Variants in TMPRSS15 observed in about 807,000 individuals in gnomAD.
The protein encoded by TMPRSS15 is transmembrane serine protease 15.
A neutral mutation model predicts 125.3 loss-of-function variants in TMPRSS15; 128 were observed. The ratio of observed to expected loss-of-function variants is 1.02; its 90% CI spans 0.89 to 1.18. The LOEUF (loss-of-function observed/expected upper bound fraction) is 1.18. Ranked by LOEUF, TMPRSS15 falls within the 50% of genes most tolerant of loss-of-function variation. The probability of loss-of-function intolerance (pLI) is 0.00; values close to 1 mark genes in which losing one functional copy is unlikely to be tolerated. For synonymous variants in TMPRSS15, 446 were observed against 423.2 expected (o/e 1.05, Z -0.66); for missense variants, 1,283 against 1,212.7 (o/e 1.06, Z -0.86).
chr21:18,316,622 A>T (rs563201177), intron 16 of TMPRSS15, among the ~76,000 whole-genome samples: 16 of 152,178 alleles, frequency 1.1e-4, no homozygotes, highest in Non-Finnish European at 2.4e-4. Flanking sequence ...CACAAAAGGA[A>T]AATGAAAAAC....
chr21:18,472,134 T>C (rs990361759), intron 1 of TMPRSS15, among the ~76,000 whole-genome samples: 1 of 152,086 alleles, frequency 6.6e-6, no homozygotes, highest in Non-Finnish European at 1.5e-5. Flanking sequence ...GTTTAGGTTA[T>C]ATAAACATTA....
chr21:18,364,951 A>T (rs2075712356), intron 7 of TMPRSS15, among the ~76,000 whole-genome samples, 189 bp downstream of exon 7: 1 of 152,198 alleles, frequency 6.6e-6, no homozygotes, highest in Admixed American at 6.5e-5. Context: ...TATTGTTCAT[A>T]GCACAGAATA....
intron 11 of TMPRSS15, 24 bp from the exon 12 acceptor site, chr21:18,343,680 G>A (rs2075474665): frequency 1.9e-6 from 3 of 1,608,408 alleles, no homozygotes; most frequent in South Asian, 1.1e-5. Flanking sequence ...AAGCAAAAAT[G>A]TTTGGATTCC....
chr21:18,448,906 A>G (rs1601466471), intron 1 of TMPRSS15, among the ~76,000 whole-genome samples: 1 of 152,148 alleles, frequency 6.6e-6, no homozygotes, highest in East Asian at 1.9e-4. Flanking sequence ...AAGTTGCCTG[A>G]TATTTTGAGA....
intron 1 of TMPRSS15, among the ~76,000 whole-genome samples, chr21:18,410,040 T>A (rs1462147594): frequency 6.6e-6 from 1 of 151,484 alleles, no homozygotes; most frequent in Non-Finnish European, 1.5e-5. Flanking sequence ...TTATTTTTCA[T>A]TGTTTTCCCA....
At chr21:18,309,055 G>A (rs1056524561) in intron 18 of TMPRSS15, among the ~76,000 whole-genome samples, 1 of 152,102 alleles carries the variant, frequency 6.6e-6, no homozygotes. Context: ...ATAAACATAC[G>A]TGTGCATGTG....
chr21:18,368,602 A>G (rs1282102817), intron 6 of TMPRSS15, among the ~76,000 whole-genome samples: 2 of 152,162 alleles, frequency 1.3e-5, no homozygotes, highest in Non-Finnish European at 2.9e-5. Context: ...GCACCGTGAT[A>G]TAGGTGATAA....
At chr21:18,381,308 G>A (rs2075890742) in intron 4 of TMPRSS15, among the ~76,000 whole-genome samples, 1 of 152,066 alleles carries the variant, frequency 6.6e-6, no homozygotes, top group South Asian at 2.1e-4. Context: ...ATGATACATG[G>A]TAGAGTGTTG....
intron 1 of TMPRSS15, among the ~76,000 whole-genome samples, chr21:18,469,960 T>C (rs1233908816): frequency 6.6e-6 from 1 of 152,100 alleles, no homozygotes; most frequent in East Asian, 1.9e-4. Context: ...AGTAATAGAA[T>C]CATTGTTAAC....
chr21:18,282,579 C>G (rs112991136), intron 21 of TMPRSS15, among the ~76,000 whole-genome samples: 2,215 of 152,218 alleles, frequency 0.015, 68 homozygotes, highest in African/African-American at 0.05. Flanking sequence ...ATCAGTAAAG[C>G]CAGTGAGCGT....
At chr21:18,316,211 A>G (rs1353176895) in intron 16 of TMPRSS15, among the ~76,000 whole-genome samples, 4 of 151,956 alleles carry the variant, frequency 2.6e-5, no homozygotes, top group Non-Finnish European at 5.9e-5. Flanking sequence ...TTGCAGCAAA[A>G]CTCAGGGAAT....
intron 4 of TMPRSS15, among the ~76,000 whole-genome samples, chr21:18,381,639 G>T (rs2075893883): frequency 6.6e-6 from 1 of 152,006 alleles, no homozygotes. Flanking sequence ...TAACTCAAAG[G>T]ATATGGTTTC....
At chr21:18,306,699 G>A (rs930785653) in intron 18 of TMPRSS15, among the ~76,000 whole-genome samples, 4 of 151,654 alleles carry the variant, frequency 2.6e-5, no homozygotes, top group African/African-American at 9.7e-5. Context: ...ATTTAGCAGG[G>A]TAAATCAGCT....
intron 1 of TMPRSS15, among the ~76,000 whole-genome samples, chr21:18,452,173 G>C (rs1204759127): frequency 6.6e-6 from 1 of 152,024 alleles, no homozygotes; most frequent in Non-Finnish European, 1.5e-5. Flanking sequence ...AGTACATAGA[G>C]GTTGGATATG....
At chr21:18,360,591 T>A (rs187805659) in intron 7 of TMPRSS15, among the ~76,000 whole-genome samples, 16 of 152,264 alleles carry the variant, frequency 1.1e-4, no homozygotes, top group African/African-American at 3.4e-4. Context: ...TCGTGGAAGA[T>A]CATTTGATCA....
chr21:18,276,826 C>G (rs1381842646), intron 23 of TMPRSS15, among the ~76,000 whole-genome samples: 1 of 145,354 alleles, frequency 6.9e-6, no homozygotes, highest in Non-Finnish European at 1.5e-5. Context: ...ATGGCGCAAT[C>G]TCGGCTCACT....
chr21:18,277,000 AG>A (rs1384169255), intron 23 of TMPRSS15, among the ~76,000 whole-genome samples: 2 of 151,896 alleles, frequency 1.3e-5, no homozygotes, highest in African/African-American at 4.8e-5. Context: ...TCCTGACCTC[AG>A]GTGATCTGCC....
intron 24 of TMPRSS15, among the ~76,000 whole-genome samples, chr21:18,272,163 C>CTAAT (rs2146850134): frequency 6.6e-6 from 1 of 152,314 alleles, no homozygotes; most frequent in South Asian, 2.1e-4. Flanking sequence ...AATGGTTGAA[C>CTAAT]TAATTTACAT....
At chr21:18,325,507 T>C (rs934385754) in intron 16 of TMPRSS15, among the ~76,000 whole-genome samples, 4 of 152,098 alleles carry the variant, frequency 2.6e-5, no homozygotes, top group African/African-American at 9.7e-5. Flanking sequence ...TAATAGTAAC[T>C]GGATTTTGTA....
Sources: allele counts gnomAD v4.1 joint callset (sites outside exome capture counted in the v4.1 genomes callset), GRCh38; gene constraint gnomAD v4.1.1; transcripts MANE v1.5; gene names NCBI Gene and HGNC (gene_info 2026-07-23, HGNC 2026-07-21).